The following AKT3 variants were observed in gnomAD, a reference collection of about 807,000 sequenced individuals.
AKT3 encodes RAC-gamma serine/threonine-protein kinase.
In AKT3, 15 loss-of-function variants were observed where a neutral mutation model predicts 65.3. That is an observed-to-expected ratio of 0.23 (90% CI 0.15 to 0.35). The LOEUF is 0.35. AKT3 is among the 10% of genes least tolerant of loss of function. AKT3 has a pLI of 1.00. For missense variants in AKT3, 243 were observed against 576.5 expected (o/e 0.42, Z 5.92); for synonymous variants, 206 against 183.8 (o/e 1.12, Z -0.98).
intron 3 of AKT3, among the ~76,000 whole-genome samples, chr1:243,684,405 G>A (rs1684142456): frequency 6.6e-6 from 1 of 152,060 alleles, no homozygotes; most frequent in African/African-American, 2.4e-5. Context: ...AGAACATGCG[G>A]TGTTTGGTTA....
At chr1:243,497,344 G>A (rs935684384), downstream of AKT3, among the ~76,000 whole-genome samples, 1 of 143,072 alleles carries the variant, frequency 7.0e-6, no homozygotes, top group Admixed American at 6.9e-5. Flanking sequence ...GGGTGGGGGG[G>A]GGGGCGTTGA....
chr1:243,756,683 C>T (rs1307890069), intron 2 of AKT3, among the ~76,000 whole-genome samples: 1 of 152,132 alleles, frequency 6.6e-6, no homozygotes, highest in Non-Finnish European at 1.5e-5. Flanking sequence ...TTAGTCACAA[C>T]TAAGTTAGGC....
At chr1:243,530,489 C>A (rs1366356109) in intron 12 of AKT3, among the ~76,000 whole-genome samples, 1 of 152,050 alleles carries the variant, frequency 6.6e-6, no homozygotes. Flanking sequence ...AACAAAGATA[C>A]AACATACCAG....
At chr1:243,784,531 A>G (rs1478308567) in intron 2 of AKT3, among the ~76,000 whole-genome samples, 1 of 152,240 alleles carries the variant, frequency 6.6e-6, no homozygotes, top group Non-Finnish European at 1.5e-5. Context: ...AAATTTTTAG[A>G]AACTGCCAAT....
intron 9 of AKT3, among the ~76,000 whole-genome samples, chr1:243,566,718 C>T (rs914072285): frequency 2.6e-5 from 4 of 152,104 alleles, no homozygotes; most frequent in Non-Finnish European, 5.9e-5. Context: ...AAGTAAATAA[C>T]AGTAACAATC....
intron 8 of AKT3, among the ~76,000 whole-genome samples, chr1:243,589,872 A>G (rs970700482): frequency 8.5e-5 from 13 of 152,240 alleles, no homozygotes; most frequent in African/African-American, 2.7e-4. Context: ...ATAAATGGAT[A>G]ATGAAAATGT....
At chr1:243,530,805 A>G (rs1671470362) in intron 12 of AKT3, among the ~76,000 whole-genome samples, 1 of 152,168 alleles carries the variant, frequency 6.6e-6, no homozygotes, top group Non-Finnish European at 1.5e-5. Context: ...GATCCAAATA[A>G]ACACAATCAG....
intron 9 of AKT3, among the ~76,000 whole-genome samples, chr1:243,565,023 C>T (rs920625666): frequency 2.6e-5 from 4 of 152,154 alleles, no homozygotes; most frequent in African/African-American, 4.8e-5. Context: ...ATAAACCAGA[C>T]ACTAAATACA....
intron 12 of AKT3, among the ~76,000 whole-genome samples, chr1:243,544,246 A>AG (rs1491282932): frequency 4.3e-5 from 4 of 92,120 alleles, no homozygotes; most frequent in African/African-American, 1.8e-4. Flanking sequence ...GTAGTGGGGG[A>AG]AAAAAAAAAA....
chr1:243,658,740 T>C (rs1045641778), intron 4 of AKT3, among the ~76,000 whole-genome samples: 1 of 151,426 alleles, frequency 6.6e-6, no homozygotes, highest in Admixed American at 6.6e-5. Context: ...AGCAGATGAA[T>C]GAATAAAGAA....
At chr1:243,806,651 G>C (rs1170887605) in intron 2 of AKT3, among the ~76,000 whole-genome samples, 1 of 152,034 alleles carries the variant, frequency 6.6e-6, no homozygotes, top group Non-Finnish European at 1.5e-5. Context: ...TACCTTAGTA[G>C]GGTCTCAATA....
At position 243,535,310 on chromosome 1, in the gene AKT3, C is replaced by A. The variant is rs184399923; in HGVS notation, c.1251+10200G>T. The stretch of plus-strand genomic sequence containing the variant: ...TGGTAAACTCTGGGCTTTAGTGTAC[C>A]CATCACCCAAATAGTGTACGTTGTA... On this transcript the variant is annotated intron_variant, in intron 12 of 13. Coordinates refer to ENST00000673466, the MANE Select transcript of AKT3 (RefSeq NM_005465.7). Among the ~76,000 whole-genome samples, 4 of 146,972 alleles carry A rather than the reference C, an allele frequency of 2.7e-5. No homozygotes were observed. The East Asian group carries it at 7.8e-4, about 29-fold the overall frequency.
chr1:243,846,214 C>A (rs1695515824), intron 1 of AKT3, among the ~76,000 whole-genome samples: 1 of 152,128 alleles, frequency 6.6e-6, no homozygotes, highest in Non-Finnish European at 1.5e-5. Flanking sequence ...TGTCCTCCTT[C>A]CCCTCCCATC....
chr1:243,675,182 A>G (rs1321075850), intron 3 of AKT3, among the ~76,000 whole-genome samples: 3 of 152,186 alleles, frequency 2.0e-5, no homozygotes, highest in Admixed American at 6.5e-5. Flanking sequence ...AACATATACA[A>G]AGACCAAGAT....
At position 243,701,665 on chromosome 1, in the gene AKT3, CAA is replaced by C. The variant is rs74162707; in HGVS notation, c.47-5951_47-5950del. Among the ~76,000 whole-genome samples, 30 of 124,964 alleles carry C rather than the reference CAA, an allele frequency of 2.4e-4. 1 individual carries two copies. In the East Asian group the frequency reaches 4.4e-3, roughly 19 times the overall value. The allele number at this position is 124,964 out of a possible 152,430, so 82.0% of individuals were successfully genotyped here. On this transcript the variant is annotated intron_variant, in intron 2 of 13. Transcript: ENST00000673466. ...TATGCTTCTTACCTAAGAAAAAATG[CAA>C]AAAAAAAAAAAAAAGACCCTAATTA...
intron 13 of AKT3, among the ~76,000 whole-genome samples, chr1:243,510,308 G>T (rs1429165136): frequency 6.6e-6 from 1 of 152,170 alleles, no homozygotes; most frequent in Non-Finnish European, 1.5e-5. Context: ...ACTGTGCCAG[G>T]CATCTAACTA....
At chr1:243,792,548 G>A (rs1369533918) in intron 2 of AKT3, among the ~76,000 whole-genome samples, 4 of 152,140 alleles carry the variant, frequency 2.6e-5, no homozygotes, top group Non-Finnish European at 4.4e-5. Flanking sequence ...ATTAAGCTGA[G>A]ATTAGCCTTA....
chr1:243,846,251 G>A (rs1042666126), intron 1 of AKT3, among the ~76,000 whole-genome samples: 5 of 151,998 alleles, frequency 3.3e-5, no homozygotes, highest in Non-Finnish European at 5.9e-5. Context: ...ACAGTCAGAA[G>A]CTTTCTAATA....
chr1:243,524,119 T>C (rs1279571182), intron 12 of AKT3, among the ~76,000 whole-genome samples: 1 of 152,226 alleles, frequency 6.6e-6, no homozygotes, highest in African/African-American at 2.4e-5. Context: ...ATGGTAAGTA[T>C]TTGTGTATCT....
Sources: gnomAD v4.1 joint callset for allele counts (sites outside exome capture counted in the v4.1 genomes callset) on GRCh38, gnomAD v4.1.1 for gene constraint, MANE v1.5 for transcripts, NCBI Gene and HGNC (gene_info 2026-07-23, HGNC 2026-07-21) for gene names.